SSPN: variants seen among roughly 807,000 people sequenced by gnomAD.
The protein encoded by SSPN is sarcospan, also known as K-ras oncogene-associated protein.
SSPN carries 15 observed loss-of-function variants against 19.1 expected under a neutral mutation model. The observed-to-expected ratio is 0.78, with a 90% CI of 0.52 to 1.21. The LOEUF is 1.21. Ranked by LOEUF, SSPN falls within the 50% of genes most tolerant of loss-of-function variation. The probability of loss-of-function intolerance (pLI) is 0.00; values close to 1 mark genes in which losing one functional copy is unlikely to be tolerated. For synonymous variants in SSPN, 147 were observed against 140.3 expected (o/e 1.05, Z -0.34); for missense variants, 291 against 314.0 (o/e 0.93, Z 0.55).
chr12:26,146,649 C>G (rs1944492518), intron 1 of SSPN, among the ~76,000 whole-genome samples: 2 of 151,958 alleles, frequency 1.3e-5, no homozygotes, highest in African/African-American at 2.4e-5. Flanking sequence ...ATAGCAAAAT[C>G]CAGTCTCTAC....
chr12:26,205,744 A>G (rs1024499149), intron 1 of SSPN, among the ~76,000 whole-genome samples: 1 of 152,206 alleles, frequency 6.6e-6, no homozygotes, highest in Non-Finnish European at 1.5e-5. Flanking sequence ...GTATGATCAT[A>G]AATGAGAAGG....
chr12:26,138,723 G>A (rs891207310), intron 1 of SSPN, among the ~76,000 whole-genome samples: 18 of 151,676 alleles, frequency 1.2e-4, no homozygotes, highest in African/African-American at 4.1e-4. Context: ...TTTTTAAAAA[G>A]CCAAGACATT....
At chr12:26,128,582 A>G (rs1446347962) in intron 1 of SSPN, among the ~76,000 whole-genome samples, 1 of 152,208 alleles carries the variant, frequency 6.6e-6, no homozygotes, top group African/African-American at 2.4e-5. Flanking sequence ...GAGGTTAGAA[A>G]GGGAAAAAAA....
chr12:26,232,250 A>G lies in SSPN; in HGVS notation c.*1174A>G. On this transcript the variant is annotated 3_prime_UTR_variant, in exon 3 of 3. Transcript: ENST00000242729. ...TTAGTCAACCTAGGAAATCAAAATA[A>G]TGTTTTGAAGTTCTTATTTGAGCAA... The G allele has an allele frequency of 1.0e-6, 1 of 985,348 alleles. No homozygotes were observed. The highest frequency in any genetic ancestry group is 5.2e-4 in the Middle Eastern group (1 of 1,914). The allele number at this position is 985,348 out of a possible 1,614,324, so 61.0% of individuals were successfully genotyped here. A position where few individuals can be genotyped will look rare whatever the true frequency, so the allele number is the denominator to read the frequency against.
chr12:26,137,816 C>A (rs2137402618), intron 1 of SSPN, among the ~76,000 whole-genome samples: 1 of 151,238 alleles, frequency 6.6e-6, no homozygotes, highest in East Asian at 1.9e-4. Flanking sequence ...AGGGGCCCCA[C>A]CACCACGCCC....
rs535614364 is a variant in SSPN, at chr12:26,205,085, G to T, written c.279+9134G>T. On this transcript the variant is annotated intron_variant, in intron 1 of 2. Transcript: ENST00000242729. The stretch of plus-strand genomic sequence containing the variant: ...CGGGACGTTGGAAAGCAGACAGTTT[G>T]TTCACAAATGAGCATTCTCAGATTC... Among the ~76,000 whole-genome samples, 12 of 152,314 alleles carry T rather than the reference G, an allele frequency of 7.9e-5. No individual in the cohort carries two copies. The South Asian group carries it at 2.5e-3, about 32-fold the overall frequency.
intron 1 of SSPN, among the ~76,000 whole-genome samples, chr12:26,155,739 C>T (rs1280679777): frequency 6.6e-6 from 1 of 152,216 alleles, no homozygotes; most frequent in Non-Finnish European, 1.5e-5. Flanking sequence ...ATAGAGCTAA[C>T]ATTAATGGCC....
chr12:26,211,815 C>CA (rs1210595694), intron 1 of SSPN: 1 of 152,104 alleles, frequency 6.6e-6, no homozygotes, highest in Non-Finnish European at 1.5e-5. Context: ...CACAGCAATG[C>CA]AAATTACAAT....
At chr12:26,201,147 C>T (rs1224177719) in intron 1 of SSPN, among the ~76,000 whole-genome samples, 1 of 150,102 alleles carries the variant, frequency 6.7e-6, no homozygotes, top group Non-Finnish European at 1.5e-5. Context: ...GAGGCCAAGG[C>T]AGGCAAATTG....
At chr12:26,132,707 T>G (rs921060256) in intron 1 of SSPN, among the ~76,000 whole-genome samples, 1 of 152,230 alleles carries the variant, frequency 6.6e-6, no homozygotes, top group South Asian at 2.1e-4. Context: ...ACAATTTCAC[T>G]GTATGGCTCC....
At chr12:26,183,708 C>T (rs1057363081) in intron 1 of SSPN, among the ~76,000 whole-genome samples, 2 of 152,142 alleles carry the variant, frequency 1.3e-5, no homozygotes, top group African/African-American at 4.8e-5. Context: ...CCACAGCCAC[C>T]CTTCCTCATG....
chr12:26,205,483 G>A (rs1211718617), intron 1 of SSPN, among the ~76,000 whole-genome samples: 2 of 152,142 alleles, frequency 1.3e-5, no homozygotes, highest in Admixed American at 6.5e-5. Flanking sequence ...ATCAGGTGTG[G>A]CATGCATATC....
chr12:26,192,792 A>G (rs1487140105), upstream of SSPN, among the ~76,000 whole-genome samples: 1 of 152,228 alleles, frequency 6.6e-6, no homozygotes, highest in Non-Finnish European at 1.5e-5. Context: ...AATGTGTCTC[A>G]GTGAGGCAAT....
intron 1 of SSPN, among the ~76,000 whole-genome samples, chr12:26,207,266 C>G: frequency 6.6e-6 from 1 of 152,072 alleles, no homozygotes; most frequent in East Asian, 1.9e-4. Flanking sequence ...CAATTCTATG[C>G]TTTTTAAAAT....
chr12:26,209,727 A>T (rs941947798), intron 1 of SSPN, among the ~76,000 whole-genome samples: 2 of 151,052 alleles, frequency 1.3e-5, no homozygotes, highest in Non-Finnish European at 3.0e-5. Context: ...TTTGTTTTGA[A>T]TGTACTTTTT....
intron 1 of SSPN, among the ~76,000 whole-genome samples, chr12:26,217,850 A>T (rs1490235353): frequency 1.3e-5 from 2 of 152,204 alleles, no homozygotes; most frequent in Non-Finnish European, 2.9e-5. Flanking sequence ...GAGAAATAGG[A>T]ACTTTTACAC....
At chr12:26,185,604 G>A (rs756054599) in intron 1 of SSPN, among the ~76,000 whole-genome samples, 2 of 152,290 alleles carry the variant, frequency 1.3e-5, no homozygotes, top group Non-Finnish European at 2.9e-5. Context: ...CTGTAGGCTG[G>A]GTGAAAAGTT....
At chr12:26,125,511 A>G (rs3809140) in intron 1 of SSPN, 97,115 of 154,460 alleles carry the variant, frequency 0.63, 34,811 homozygotes, top group East Asian at 0.87. Context: ...CTCACTGATC[A>G]GTGGCCTGGA....
intron 1 of SSPN, chr12:26,134,920 A>G (rs918188993): frequency 5.3e-5 from 8 of 152,292 alleles, no homozygotes; most frequent in African/African-American, 1.9e-4. Flanking sequence ...AGTAGTGGGA[A>G]GTTCTGTCAG....
Sources: allele counts gnomAD v4.1 joint callset (sites outside exome capture counted in the v4.1 genomes callset), GRCh38; gene constraint gnomAD v4.1.1; transcripts MANE v1.5; gene names NCBI Gene and HGNC (gene_info 2026-07-23, HGNC 2026-07-21).